The following GGA1 variants were observed in gnomAD, a reference collection of about 807,000 sequenced individuals.
GGA1 encodes the protein ADP-ribosylation factor-binding protein GGA1.
A neutral mutation model predicts 76.9 loss-of-function variants in GGA1; 18 were observed. That is an observed-to-expected ratio of 0.23 (90% CI 0.16 to 0.35). GGA1 has a LOEUF of 0.35. Among genes scored for constraint, GGA1 ranks in the 10% least tolerant of loss-of-function variants. The probability of loss-of-function intolerance (pLI) is 1.00; values close to 1 mark genes in which losing one functional copy is unlikely to be tolerated. For synonymous variants in GGA1, 342 were observed against 354.7 expected (o/e 0.96, Z 0.40); for missense variants, 755 against 859.0 (o/e 0.88, Z 1.51).
Position 37,633,067 on chromosome 22 carries a change from G to A in GGA1, c.*356G>A, listed in dbSNP as rs541098984. ...AGGCCCAGCCCCAACCCCAGCTGGG[G>A]TGGGGTCTTCCCCACCTGTCTCTTA... is the stretch of plus-strand genomic sequence containing the variant. On this transcript the variant is annotated 3_prime_UTR_variant, in exon 17 of 17. Transcript: ENST00000343632. 6 of 242,268 alleles carry A rather than the reference G, an allele frequency of 2.5e-5. No homozygotes were observed. The South Asian group carries it at 4.2e-4, about 17-fold the overall frequency. 15.0% of individuals were successfully genotyped at this position (242,268 alleles called of 1,614,324 possible). A position where few individuals can be genotyped will look rare whatever the true frequency, so the allele number is the denominator to read the frequency against.
In GGA1 at chr22:37,617,089, C is replaced by T. The variant is rs772113077; in HGVS notation, c.204+92C>T. The T allele has an allele frequency of 4.5e-6, 7 of 1,547,304 alleles. No individual in the cohort carries two copies. The South Asian group carries it at 7.2e-5, about 16-fold the overall frequency. On this transcript the variant is annotated intron_variant, in intron 3 of 16. Transcript: ENST00000343632. ...GGTTCTTGGGGTCCATAAGGCTCTT[C>T]AGAGCCCAAGAGAGTTGTGCTAAGA...
Position 37,616,931 on chromosome 22 carries a change from C to T in GGA1, c.138C>T (p.Leu46=), listed in dbSNP as rs199706784. 3.4e-5 allele frequency: 55 copies of T among 1,605,632 alleles called. No individual in the cohort carries two copies. Among genetic ancestry groups the T allele is most frequent in the East Asian group, 2.0e-4 (9 of 44,280 alleles). ...TGTTCCTCCCACCCAGGCCTCCACT[C>T]GCCACCCGGCTGCTGGCCCACAAGA... is the stretch of plus-strand genomic sequence containing the variant. The part of the protein sequence containing the change: ...QLNEDFEGPP[L]ATRLLAHKIQ... The change falls in exon 3 of 17, where the codon CTC becomes CTT. Residue 46 remains leucine (L), a synonymous_variant. Coordinates refer to ENST00000343632, the MANE Select transcript of GGA1 (RefSeq NM_013365.5).
Position 37,624,911 on chromosome 22 carries a change from G to A in GGA1, c.833-58G>A, listed in dbSNP as rs1179876473. The A allele has an allele frequency of 1.5e-5, 23 of 1,534,248 alleles. No individual in the cohort carries two copies. Among genetic ancestry groups the A allele is most frequent in the Non-Finnish European group, 1.8e-5 (20 of 1,135,240 alleles). On this transcript the variant is annotated intron_variant, in intron 9 of 16. Transcript: ENST00000343632. This position sits in a 1 kb window ranked among gnomAD's most constrained non-coding sequence, Gnocchi z 4.3. ...GATGGATGTGGGGTCCTCGTCCCCT[G>A]CCGCCCAGAGGCCCCCACAGTCCTT...
rs188248043 is a variant in GGA1 at position 37,617,267 on chromosome 22, C to T, written c.204+270C>T. The T allele has an allele frequency of 3.4e-5, 45 of 1,343,274 alleles. No homozygotes were observed. In the East Asian group the frequency reaches 7.7e-4, roughly 23 times the overall value. 83.2% of individuals were successfully genotyped at this position (1,343,274 alleles called of 1,614,324 possible). On this transcript the variant is annotated intron_variant, in intron 3 of 16. Coordinates refer to ENST00000343632, the MANE Select transcript of GGA1 (RefSeq NM_013365.5). Reference sequence around the variant, plus strand: ...GGGGTTCTTTGCTTCAGCTGCACATCGGCTGCCTCTCCAGGAAGCGTGTTC... The same window carrying T: ...GGGGTTCTTTGCTTCAGCTGCACATTGGCTGCCTCTCCAGGAAGCGTGTTC...
At chr22:37,630,792 T>G in intron 13 of GGA1, 111 bp from the exon 14 acceptor site, 2 of 732,036 alleles carry the variant, frequency 2.7e-6, no homozygotes, top group Non-Finnish European at 4.7e-6. Flanking sequence ...GGTCTCAAAC[T>G]CCTGAGCTCA....
At chr22:37,612,939 TTGCCA>T in intron 1 of GGA1, 1 of 985,296 alleles carries the variant, frequency 1.0e-6, no homozygotes, top group Non-Finnish European at 1.2e-6. Context: ...CCCTCTTTCC[TTGCCA>T]CTATCCATTT....
chr22:37,620,096 T>G lies in GGA1; in HGVS notation c.304-142T>G, dbSNP rs1191319464. 6 of 817,902 alleles carry G rather than the reference T, an allele frequency of 7.3e-6. No homozygotes were observed. In the East Asian group the frequency reaches 1.5e-4, roughly 20 times the overall value. 50.7% of individuals were successfully genotyped at this position (817,902 alleles called of 1,614,324 possible). A position where few individuals can be genotyped will look rare whatever the true frequency, so the allele number is the denominator to read the frequency against. On this transcript the variant is annotated intron_variant, in intron 4 of 16. Transcript: ENST00000343632. ...TAGGTGAACTCAGTCTACCCCAGGC[T>G]GGTTGGGCGGGGCTATGAGGACCCT...
intron 3 of GGA1, chr22:37,617,706 TAATC>T: frequency 1.5e-6 from 1 of 688,902 alleles, no homozygotes; most frequent in Non-Finnish European, 1.8e-6. Flanking sequence ...CTCTAAATAA[TAATC>T]ATTATTGTTA....
rs2145969083 is a variant in GGA1 at position 37,625,937 on chromosome 22, C to T, written c.1081C>T (p.Leu361Phe). The change falls in exon 11 of 17, where the codon CTC (leucine) becomes TTC (phenylalanine). Residue 361 changes from leucine to phenylalanine, a missense_variant. By Grantham distance (22) the Leu-to-Phe change is conservative. Transcript: ENST00000343632. The surrounding 1 kb of genome is among the most constrained non-coding windows in gnomAD (Gnocchi z 4.1). ...SASVSLLDDELMSLGLSDPTP... is the reference protein window; with the variant it reads ...SASVSLLDDEFMSLGLSDPTP... ...CTCAGTTTCCCTGCTTGACGACGAG[C>T]TCATGTCTCTGGGTGAGGAAGGGGC... The T allele has an allele frequency of 6.3e-7, 1 of 1,595,648 alleles. No homozygotes were observed. Among genetic ancestry groups the T allele is most frequent in the Non-Finnish European group, 8.5e-7 (1 of 1,172,280 alleles).
In GGA1 at chr22:37,629,462, G is replaced by A. The variant is rs1931400019; in HGVS notation, c.1094G>A (p.Gly365Asp). The change falls in exon 12 of 17, where the codon GGC (glycine) becomes GAC (aspartate). Residue 365 changes from glycine (G) to aspartate (D), a missense_variant and splice_region_variant. Gly to Asp is a moderately conservative substitution (Grantham distance 94). Transcript: ENST00000343632. ...CACCTCTCTCCTGCTTTCCCCTCAGGCCTCAGTGACCCCACACCCCCTTCA... is the reference window on the plus strand; with the variant it reads ...CACCTCTCTCCTGCTTTCCCCTCAGACCTCAGTGACCCCACACCCCCTTCA... ...SLLDDELMSL[G>D]LSDPTPPSGP... 2 of 1,591,494 alleles carry A rather than the reference G, an allele frequency of 1.3e-6. No individual in the cohort carries two copies. The highest frequency in any genetic ancestry group is 2.3e-5 in the South Asian group (2 of 87,874).
intron 3 of GGA1, 43 bp downstream of exon 3, chr22:37,617,040 G>T: frequency 1.3e-6 from 2 of 1,567,168 alleles, no homozygotes; most frequent in Non-Finnish European, 1.7e-6. Context: ...GCCATGTGAC[G>T]ACACCAAGGG....
intron 1 of GGA1, among the ~76,000 whole-genome samples, chr22:37,613,716 C>T (rs1185273628): frequency 1.3e-5 from 2 of 152,082 alleles, no homozygotes; most frequent in African/African-American, 4.8e-5. Flanking sequence ...TGTGTTTCTA[C>T]AGCTCCTTGG....
At chr22:37,620,934 A>AT (rs769717343) in intron 6 of GGA1, 21 bp downstream of exon 6, 2 of 1,452,302 alleles carry the variant, frequency 1.4e-6, no homozygotes, top group Non-Finnish European at 9.7e-7. Context: ...AAGGAGGCAC[A>AT]TATGGGGACT....
intron 11 of GGA1, among the ~76,000 whole-genome samples, chr22:37,628,303 A>G (rs1931210576): frequency 6.6e-6 from 1 of 152,112 alleles, no homozygotes; most frequent in Non-Finnish European, 1.5e-5. Flanking sequence ...GCTTATCTCA[A>G]ACCCCAGCTT....
At position 37,623,447 on chromosome 22, in the gene GGA1, A is replaced by C. The variant is rs756911807; in HGVS notation, c.730A>C (p.Ser244Arg). Residue 244 changes from serine to arginine, a missense_variant, in exon 8 of 17, where the codon AGC becomes CGC. Transcript: ENST00000343632. The surrounding 1 kb of genome is among the most constrained non-coding windows in gnomAD (Gnocchi z 4.6). Reference protein sequence around the residue: ...SHSQGGAAAGSSEDLMKELYQ... With the variant: ...SHSQGGAAAGRSEDLMKELYQ... ...CAGCCAGGGCGGCGCAGCAGCTGGC[A>C]GCAGCGAGGACCTCATGAAGGTGCA... is the stretch of plus-strand genomic sequence containing the variant. The C allele has an allele frequency of 6.2e-7, 1 of 1,614,060 alleles. No homozygotes were observed. Among genetic ancestry groups the C allele is most frequent in the South Asian group, 1.1e-5 (1 of 91,090 alleles).
At chr22:37,620,193 G>A (rs1568979895) in intron 4 of GGA1, 45 bp from the exon 5 acceptor site, 1 of 1,610,964 alleles carries the variant, frequency 6.2e-7, no homozygotes, top group Middle Eastern at 1.7e-4. Context: ...ACTGAAGTGA[G>A]TGGGGCTGGG....
At chr22:37,631,657 C>T (rs1052501395) in intron 14 of GGA1, among the ~76,000 whole-genome samples, 1 of 152,214 alleles carries the variant, frequency 6.6e-6, no homozygotes, top group African/African-American at 2.4e-5. Flanking sequence ...GGAGTGACTG[C>T]CGCAAGGTCA....
rs1427779706 is a variant in GGA1, at chr22:37,631,992, A to G, written c.1529-4A>G. On this transcript the variant is annotated splice_region_variant and splice_polypyrimidine_tract_variant and intron_variant, in intron 14 of 16. Transcript: ENST00000343632. ...TCCCATCGCCCTCCCACCTTCTCCC[A>G]CAGGCAACATCCTGCCCGTGACTGT... 1.3e-6 allele frequency: 2 copies of G among 1,599,908 alleles called. No homozygotes were observed.
At chr22:37,613,714 T>C (rs954490253) in intron 1 of GGA1, among the ~76,000 whole-genome samples, 5 of 152,204 alleles carry the variant, frequency 3.3e-5, no homozygotes, top group Admixed American at 1.3e-4. Flanking sequence ...TCTGTGTTTC[T>C]ACAGCTCCTT....
Sources: gnomAD v4.1 joint callset for allele counts (sites outside exome capture counted in the v4.1 genomes callset) on GRCh38, gnomAD v4.1.1 for gene constraint, Gnocchi (gnomAD v3.1) non-coding constraint, MANE v1.5 for transcripts, NCBI Gene and HGNC (gene_info 2026-07-23, HGNC 2026-07-21) for gene names.